The following GTF2A1L variants were observed in gnomAD, a reference collection of about 807,000 sequenced individuals.
GTF2A1L encodes the protein TFIIA-alpha and beta-like factor.
Under a neutral mutation model 49.7 loss-of-function variants are expected in GTF2A1L, and 48 were observed. The ratio of observed to expected loss-of-function variants is 0.97; its 90% CI spans 0.77 to 1.23. The LOEUF (loss-of-function observed/expected upper bound fraction) is 1.23, where lower values mean the gene tolerates loss of function less well. GTF2A1L is among the 50% of genes most tolerant of loss of function. GTF2A1L has a pLI of 0.00. For synonymous variants in GTF2A1L, 246 were observed against 193.5 expected, an observed-to-expected ratio of 1.27 and a Z score of -2.25; for missense variants, 736 against 564.8, an observed-to-expected ratio of 1.30 and a Z score of -3.07.
At chr2:48,665,566 A>G (rs907176204) in intron 6 of GTF2A1L, among the ~76,000 whole-genome samples, 17 of 152,106 alleles carry the variant, frequency 1.1e-4, no homozygotes, top group African/African-American at 3.9e-4. Flanking sequence ...CTTATGATTT[A>G]GTCTTTGACC....
At chr2:48,656,103 T>G (rs1678154345) in intron 6 of GTF2A1L, among the ~76,000 whole-genome samples, 1 of 152,224 alleles carries the variant, frequency 6.6e-6, no homozygotes, top group African/African-American at 2.4e-5. Flanking sequence ...TTGGGTTGCT[T>G]CCAGCTTTTG....
intron 3 of GTF2A1L, among the ~76,000 whole-genome samples, chr2:48,638,499 A>G (rs748928530): frequency 7.2e-5 from 11 of 152,242 alleles, no homozygotes; most frequent in Non-Finnish European, 1.5e-4. Flanking sequence ...ATAGATGCAG[A>G]AAAGGCTTTA....
chr2:48,661,247 CTTTTTTTTTTTTTT>C (rs70946820), intron 6 of GTF2A1L, among the ~76,000 whole-genome samples: 1 of 62,750 alleles, frequency 1.6e-5, no homozygotes, highest in Non-Finnish European at 2.6e-5. Flanking sequence ...CATCCCCAAA[CTTTTTTTTTTTTTT>C]TTTTTTTTTT....
chr2:48,640,419 C>G (rs1472944112), intron 3 of GTF2A1L, among the ~76,000 whole-genome samples: 1 of 152,028 alleles, frequency 6.6e-6, no homozygotes, highest in Non-Finnish European at 1.5e-5. Context: ...AGGCTATTAT[C>G]TTCAACAAAC....
intron 6 of GTF2A1L, among the ~76,000 whole-genome samples, chr2:48,657,745 G>A (rs986288041): frequency 7.1e-6 from 1 of 140,856 alleles, no homozygotes; most frequent in Non-Finnish European, 1.5e-5. Context: ...TTCCTCTGCA[G>A]CCTTGCTGGA....
At chr2:48,676,979 A>G (rs1679502288) in intron 8 of GTF2A1L, among the ~76,000 whole-genome samples, 2 of 150,808 alleles carry the variant, frequency 1.3e-5, no homozygotes, top group Admixed American at 1.3e-4. Context: ...TAAGAAATCT[A>G]TTTCGTCCCT....
At chr2:48,646,424 A>G (rs1187956625) in intron 5 of GTF2A1L, 29 bp from the exon 6 acceptor site, 3 of 1,498,262 alleles carry the variant, frequency 2.0e-6, no homozygotes, top group Admixed American at 2.4e-5. Flanking sequence ...ATTCTATTAT[A>G]CTTACAATTT....
chr2:48,673,759 A>G (rs900974104), intron 8 of GTF2A1L, among the ~76,000 whole-genome samples: 1 of 152,182 alleles, frequency 6.6e-6, no homozygotes, highest in Non-Finnish European at 1.5e-5. Flanking sequence ...ATCTAATGAC[A>G]ATAAACTGGA....
At chr2:48,674,251 C>G (rs1207069888) in intron 8 of GTF2A1L, among the ~76,000 whole-genome samples, 9 of 152,170 alleles carry the variant, frequency 5.9e-5, no homozygotes, top group African/African-American at 2.2e-4. Flanking sequence ...TCTCCACATC[C>G]TGGCCAGCAC....
intron 3 of GTF2A1L, among the ~76,000 whole-genome samples, chr2:48,637,743 A>G (rs1426236928): frequency 6.6e-6 from 1 of 152,156 alleles, no homozygotes; most frequent in Non-Finnish European, 1.5e-5. Context: ...TACTAAAGAG[A>G]GAAGATCCAA....
intron 8 of GTF2A1L, among the ~76,000 whole-genome samples, chr2:48,673,405 C>T (rs1679281459): frequency 6.8e-6 from 1 of 147,258 alleles, no homozygotes; most frequent in Admixed American, 6.8e-5. Context: ...CTCTGTCGCC[C>T]AGGCTGGAGT....
At chr2:48,664,899 G>T (rs964564429) in intron 6 of GTF2A1L, among the ~76,000 whole-genome samples, 1 of 151,560 alleles carries the variant, frequency 6.6e-6, no homozygotes, top group African/African-American at 2.4e-5. Context: ...TCTGTCTGTC[G>T]TGCTAGAGGT....
At chr2:48,655,947 C>G (rs1414763799) in intron 6 of GTF2A1L, among the ~76,000 whole-genome samples, 1 of 152,188 alleles carries the variant, frequency 6.6e-6, no homozygotes, top group Non-Finnish European at 1.5e-5. Context: ...TCAGACAGTA[C>G]TTGCCCTTCT....
At chr2:48,646,238 CAT>C (rs1252255389) in intron 5 of GTF2A1L, among the ~76,000 whole-genome samples, 1 of 151,636 alleles carries the variant, frequency 6.6e-6, no homozygotes. Flanking sequence ...TAAAGCAAAA[CAT>C]ATGTAATTAA....
rs139772282 is a variant in GTF2A1L at position 48,669,178 on chromosome 2, C to G, written c.979-544C>G. ...AAACTCTGTACTCATTAAACAATAACTTTTCATTCCCCTCTTCATATCCCC... is the reference window on the plus strand; with the variant it reads ...AAACTCTGTACTCATTAAACAATAAGTTTTCATTCCCCTCTTCATATCCCC... On this transcript the variant is annotated intron_variant, in intron 6 of 8. Coordinates refer to ENST00000403751, the MANE Select transcript of GTF2A1L (RefSeq NM_006872.5). 1.6e-3 allele frequency among the ~76,000 whole-genome samples: 246 copies of G among 152,244 alleles called. 1 individual carries two copies. The highest frequency in any genetic ancestry group is 5.4e-3 in the African/African-American group (225 of 41,560).
At chr2:48,636,050 T>C (rs777369134) in intron 3 of GTF2A1L, among the ~76,000 whole-genome samples, 6 of 152,238 alleles carry the variant, frequency 3.9e-5, no homozygotes, top group Non-Finnish European at 8.8e-5. Context: ...AGTGGCTGTT[T>C]GGCAGGATTC....
rs1453498474 is a variant in GTF2A1L, at chr2:48,624,918, G to C, written c.247+3628G>C. On this transcript the variant is annotated intron_variant, in intron 3 of 8. Transcript: ENST00000403751. ...AGCTGAATCATATTCCTCTGTGTGTGTGTGTATACAGACATACCACAATTT... is the reference window on the plus strand; with the variant it reads ...AGCTGAATCATATTCCTCTGTGTGTCTGTGTATACAGACATACCACAATTT... 1.4e-5 allele frequency among the ~76,000 whole-genome samples: 2 copies of C among 143,842 alleles called. 1 individual carries two copies. The allele number at this position is 143,842 out of a possible 152,430, so 94.4% of individuals were successfully genotyped here.
chr2:48,645,878 G>A (rs908974052), intron 5 of GTF2A1L, among the ~76,000 whole-genome samples: 1 of 151,318 alleles, frequency 6.6e-6, no homozygotes, highest in Non-Finnish European at 1.5e-5. Flanking sequence ...TTGATCTCCT[G>A]ACCTCGTGAT....
At chr2:48,621,481 A>G (rs141591768) in intron 3 of GTF2A1L, among the ~76,000 whole-genome samples, 191 bp downstream of exon 3, 1 of 152,190 alleles carries the variant, frequency 6.6e-6, no homozygotes, top group African/African-American at 2.4e-5. Flanking sequence ...GGTTATTCGA[A>G]CTAGTTTTTA....
Sources: gnomAD v4.1 joint callset for allele counts (sites outside exome capture counted in the v4.1 genomes callset) on GRCh38, gnomAD v4.1.1 for gene constraint, MANE v1.5 for transcripts, NCBI Gene and HGNC (gene_info 2026-07-23, HGNC 2026-07-21) for gene names.